The following CD1B variants were observed in gnomAD, a reference collection of about 807,000 sequenced individuals.
CD1B encodes T-cell surface glycoprotein CD1b.
Under a neutral mutation model 39.8 loss-of-function variants are expected in CD1B, and 43 were observed. The observed-to-expected ratio is 1.08, with a 90% confidence interval of 0.85 to 1.39. The LOEUF (loss-of-function observed/expected upper bound fraction) is 1.39. Ranked by LOEUF, CD1B falls within the 40% of genes most tolerant of loss-of-function variation. The probability of loss-of-function intolerance (pLI) is 0.00; values close to 1 mark genes in which losing one functional copy is unlikely to be tolerated. For missense variants in CD1B, 495 were observed against 403.8 expected, an observed-to-expected ratio of 1.23 and a Z score of -1.94; for synonymous variants, 192 against 152.5, an observed-to-expected ratio of 1.26 and a Z score of -1.91.
the CD1B span, among the ~76,000 whole-genome samples, chr1:158,306,517 T>A: frequency 6.6e-6 from 1 of 152,090 alleles, no homozygotes; most frequent in African/African-American, 2.4e-5. Flanking sequence ...ATTAGACAGG[T>A]CAACGAGACA....
chr1:158,329,080 C>A, intron 4 of CD1B, 66 bp from the exon 5 acceptor site: 2 of 1,299,850 alleles, frequency 1.5e-6, no homozygotes, highest in Non-Finnish European at 2.2e-6. Context: ...CTTGGCCTTC[C>A]TTTGCCCACC....
chr1:158,320,730 G>A, the CD1B span, among the ~76,000 whole-genome samples: 2 of 151,972 alleles, frequency 1.3e-5, no homozygotes, highest in Non-Finnish European at 2.9e-5. Flanking sequence ...ATTTTTTCAA[G>A]AAATATTGAA....
At chr1:158,308,190 A>T in the CD1B span, among the ~76,000 whole-genome samples, 86 of 151,462 alleles carry the variant, frequency 5.7e-4, no homozygotes, top group Non-Finnish European at 1.1e-3. Flanking sequence ...ACACACCAGT[A>T]ACAGACAGAG....
intron 5 of CD1B, among the ~76,000 whole-genome samples, 163 bp downstream of exon 5, chr1:158,328,758 G>A (rs189181943): frequency 6.6e-5 from 10 of 152,138 alleles, no homozygotes; most frequent in African/African-American, 2.2e-4. Context: ...TATTTTAACA[G>A]AATTTTTTTT....
At chr1:158,292,206 C>T in the CD1B span, 66 of 1,614,042 alleles carry the variant, frequency 4.1e-5, no homozygotes, top group South Asian at 3.8e-4. Flanking sequence ...AACATGGGTG[C>T]CATCTCCAGG....
chr1:158,317,706 T>A, the CD1B span, among the ~76,000 whole-genome samples: 1 of 152,234 alleles, frequency 6.6e-6, no homozygotes, highest in Non-Finnish European at 1.5e-5. Context: ...TTCTGCTAGC[T>A]TTTGAATGTG....
At chr1:158,298,317 G>A in the CD1B span, among the ~76,000 whole-genome samples, 1 of 152,122 alleles carries the variant, frequency 6.6e-6, no homozygotes, top group African/African-American at 2.4e-5. Flanking sequence ...ACACCCAACT[G>A]ACAGCATTAG....
chr1:158,304,855 A>G, the CD1B span, among the ~76,000 whole-genome samples: 1 of 152,226 alleles, frequency 6.6e-6, no homozygotes, highest in African/African-American at 2.4e-5. Flanking sequence ...AGCAAACTCC[A>G]ACAGACCTGC....
chr1:158,328,764 T>G (rs777228253), intron 5 of CD1B, among the ~76,000 whole-genome samples, 157 bp downstream of exon 5: 22 of 152,188 alleles, frequency 1.4e-4, no homozygotes, highest in Non-Finnish European at 3.1e-4. Context: ...AACAGAATTT[T>G]TTTTAAGTCC....
chr1:158,319,516 A>C, the CD1B span, among the ~76,000 whole-genome samples: 1 of 151,900 alleles, frequency 6.6e-6, no homozygotes, highest in Non-Finnish European at 1.5e-5. Flanking sequence ...CAGCTCCATC[A>C]CTCCTTTAAG....
chr1:158,287,523 A>C, the CD1B span, among the ~76,000 whole-genome samples: 6 of 152,038 alleles, frequency 3.9e-5, no homozygotes, highest in African/African-American at 1.4e-4. Flanking sequence ...GGGTACACAA[A>C]CTTTCAGTCC....
intron 2 of CD1B, among the ~76,000 whole-genome samples, 199 bp from the exon 3 acceptor site, chr1:158,330,329 G>GTATGTGAT (rs1313219606): frequency 1.3e-5 from 2 of 152,148 alleles, no homozygotes; most frequent in African/African-American, 4.8e-5. Context: ...GAAGACAAAG[G>GTATGTGAT]TATGTGATAA....
At chr1:158,311,764 C>T in the CD1B span, among the ~76,000 whole-genome samples, 2 of 152,194 alleles carry the variant, frequency 1.3e-5, no homozygotes, top group South Asian at 4.1e-4. Flanking sequence ...GTTCTGTCCC[C>T]AATGTGTGTC....
downstream of CD1B, among the ~76,000 whole-genome samples, chr1:158,323,915 G>C (rs898436745): frequency 6.6e-6 from 1 of 152,216 alleles, no homozygotes; most frequent in Non-Finnish European, 1.5e-5. Flanking sequence ...GATCTGCTTT[G>C]GGACAAAGGC....
At chr1:158,296,872 C>G in the CD1B span, among the ~76,000 whole-genome samples, 3 of 152,034 alleles carry the variant, frequency 2.0e-5, no homozygotes, top group Non-Finnish European at 4.4e-5. Context: ...ACCAGTTCTT[C>G]TAATTAACTC....
the CD1B span, among the ~76,000 whole-genome samples, chr1:158,314,248 C>T: frequency 6.6e-6 from 1 of 152,062 alleles, no homozygotes; most frequent in Non-Finnish European, 1.5e-5. Flanking sequence ...CCACAATCAG[C>T]TAATTTTTGT....
the CD1B span, among the ~76,000 whole-genome samples, chr1:158,308,658 G>A: frequency 2.0e-5 from 3 of 152,136 alleles, no homozygotes; most frequent in Admixed American, 6.5e-5. Context: ...ACAGAACAGA[G>A]CCCTCAGAAA....
intron 1 of CD1B, 130 bp from the exon 2 acceptor site, chr1:158,331,192 T>C: frequency 8.8e-7 from 1 of 1,141,044 alleles, no homozygotes; most frequent in Non-Finnish European, 1.3e-6. Context: ...TCTGACACAT[T>C]TGACTGCCTT....
At chr1:158,308,021 A>G in the CD1B span, among the ~76,000 whole-genome samples, 1 of 152,156 alleles carries the variant, frequency 6.6e-6, no homozygotes, top group Non-Finnish European at 1.5e-5. Flanking sequence ...AGGGTATTGA[A>G]TTAGGAAAAG....
Sources: gnomAD v4.1 joint callset for allele counts (sites outside exome capture counted in the v4.1 genomes callset) on GRCh38, gnomAD v4.1.1 for gene constraint, MANE v1.5 for transcripts, NCBI Gene and HGNC (gene_info 2026-07-23, HGNC 2026-07-21) for gene names.